Variants in MLLT3 observed in about 807,000 individuals in gnomAD.
MLLT3 encodes protein AF-9.
Under a neutral mutation model 53.2 loss-of-function variants are expected in MLLT3, and 4 were observed. The observed-to-expected ratio is 0.08, with a 90% CI of 0.04 to 0.17. The LOEUF (loss-of-function observed/expected upper bound fraction) is 0.17, where lower values mean the gene tolerates loss of function less well. Among genes scored for constraint, MLLT3 ranks in the 10% least tolerant of loss-of-function variants. MLLT3 has a pLI of 1.00. For missense variants in MLLT3, 569 were observed against 684.0 expected (o/e 0.83, Z 1.87); for synonymous variants, 283 against 230.6 (o/e 1.23, Z -2.06).
chr9:20,491,067 G>T (rs544910184), intron 2 of MLLT3, among the ~76,000 whole-genome samples: 16 of 152,042 alleles, frequency 1.1e-4, no homozygotes, highest in African/African-American at 3.4e-4. Flanking sequence ...TAAATCAGAG[G>T]GGTACTTTTT....
chr9:20,394,224 TG>T (rs1298698968), intron 5 of MLLT3, among the ~76,000 whole-genome samples: 1 of 152,108 alleles, frequency 6.6e-6, no homozygotes, highest in Non-Finnish European at 1.5e-5. Context: ...GGGGGAGCAT[TG>T]AGGGACAGGT....
At chr9:20,374,005 C>A (rs554643119) in intron 5 of MLLT3, among the ~76,000 whole-genome samples, 6 of 145,720 alleles carry the variant, frequency 4.1e-5, no homozygotes, top group East Asian at 2.0e-4. Flanking sequence ...AAAAAAAAAA[C>A]CACTTAAAAG....
intron 4 of MLLT3, among the ~76,000 whole-genome samples, chr9:20,430,895 G>C (rs1490518533): frequency 1.3e-5 from 2 of 151,950 alleles, no homozygotes; most frequent in Non-Finnish European, 2.9e-5. Context: ...TAAGTAAATA[G>C]AAAAATAAGT....
intron 5 of MLLT3, among the ~76,000 whole-genome samples, chr9:20,371,059 C>G (rs1821586245): frequency 1.3e-5 from 2 of 152,318 alleles, no homozygotes; most frequent in South Asian, 4.1e-4. Flanking sequence ...ACACCAGCCA[C>G]AACACTTCCT....
rs1285544898 is a variant in MLLT3, at chr9:20,621,774, A to G, written c.12+471T>C. ...ACACGCGCGCCGCGGAGAACGCACC[A>G]TCGTAGCGGCCGCGGCGCTTTGCGG... On this transcript the variant is annotated intron_variant, in intron 1 of 10. Transcript: ENST00000380338. This position sits in a 1 kb window ranked among gnomAD's most constrained non-coding sequence, Gnocchi z 7.0. 1.3e-6 allele frequency: 2 copies of G among 1,481,904 alleles called. No individual in the cohort carries two copies. Among genetic ancestry groups the G allele is most frequent in the Admixed American group, 2.4e-5 (1 of 42,124 alleles). The allele number at this position is 1,481,904 out of a possible 1,614,324, so 91.8% of individuals were successfully genotyped here.
intron 2 of MLLT3, among the ~76,000 whole-genome samples, chr9:20,506,108 G>A (rs1020869500): frequency 1.0e-4 from 15 of 150,112 alleles, no homozygotes; most frequent in African/African-American, 3.7e-4. Context: ...AGTCTCCAGT[G>A]CAGTGGCACG....
At chr9:20,598,547 A>G (rs1820334682) in intron 2 of MLLT3, among the ~76,000 whole-genome samples, 1 of 152,232 alleles carries the variant, frequency 6.6e-6, no homozygotes, top group Non-Finnish European at 1.5e-5. Flanking sequence ...AACAGTTGCC[A>G]TTAGTCATTC....
intron 2 of MLLT3, among the ~76,000 whole-genome samples, chr9:20,598,880 C>T (rs569305768): frequency 1.3e-4 from 20 of 152,274 alleles, no homozygotes; most frequent in Non-Finnish European, 1.9e-4. Flanking sequence ...TTTCCTCAAA[C>T]CCTATTCTGC....
chr9:20,452,447 GCCTTC>G (rs367583664), intron 3 of MLLT3, among the ~76,000 whole-genome samples: 7 of 152,198 alleles, frequency 4.6e-5, no homozygotes, highest in African/African-American at 1.7e-4. Context: ...GTTTCTTGAG[GCCTTC>G]CCAGCCATGC....
At chr9:20,386,032 C>A (rs1300668757) in intron 5 of MLLT3, among the ~76,000 whole-genome samples, 1 of 151,998 alleles carries the variant, frequency 6.6e-6, no homozygotes, top group Middle Eastern at 3.2e-3. Context: ...CCCTGTTGTC[C>A]CTTAGGTTGA....
At chr9:20,449,540 G>C (rs1586957384) in intron 3 of MLLT3, among the ~76,000 whole-genome samples, 1 of 152,098 alleles carries the variant, frequency 6.6e-6, no homozygotes, top group South Asian at 2.1e-4. Flanking sequence ...CTTTGGGGCA[G>C]GTGTGAGCCT....
chr9:20,547,083 G>C (rs1471985845), intron 2 of MLLT3, among the ~76,000 whole-genome samples: 1 of 152,136 alleles, frequency 6.6e-6, no homozygotes, highest in Non-Finnish European at 1.5e-5. Flanking sequence ...GTCAATAGGA[G>C]TTTGGCACAA....
At chr9:20,539,189 G>A (rs1244503498) in intron 2 of MLLT3, among the ~76,000 whole-genome samples, 1 of 152,218 alleles carries the variant, frequency 6.6e-6, no homozygotes, top group Non-Finnish European at 1.5e-5. Flanking sequence ...CCTGTGGCAT[G>A]TGATGCTGTT....
At chr9:20,619,306 C>A (rs191067770) in intron 2 of MLLT3, among the ~76,000 whole-genome samples, 1 of 152,112 alleles carries the variant, frequency 6.6e-6, no homozygotes, top group African/African-American at 2.4e-5. Context: ...CAAATTCAAC[C>A]GTTCAAGTTT....
chr9:20,565,931 T>C (rs760584484), intron 2 of MLLT3, among the ~76,000 whole-genome samples: 2 of 15,018 alleles, frequency 1.3e-4, no homozygotes, highest in South Asian at 1.9e-3. Flanking sequence ...TTTATATATA[T>C]ATATATTTAT....
chr9:20,396,293 C>G (rs951629114), intron 5 of MLLT3, among the ~76,000 whole-genome samples: 3 of 151,852 alleles, frequency 2.0e-5, no homozygotes, highest in African/African-American at 4.8e-5. Context: ...AGAGGGAAGA[C>G]AGAAGGAAAC....
At chr9:20,591,985 T>A (rs1002584056) in intron 2 of MLLT3, among the ~76,000 whole-genome samples, 2 of 152,058 alleles carry the variant, frequency 1.3e-5, no homozygotes, top group Non-Finnish European at 2.9e-5. Flanking sequence ...CACATTTTTT[T>A]AATAATAAAA....
At chr9:20,365,787 A>G in intron 5 of MLLT3, 43 bp from the exon 6 acceptor site, 1 of 1,596,078 alleles carries the variant, frequency 6.3e-7, no homozygotes. Context: ...AATTTACGGG[A>G]TACCACACAT....
intron 2 of MLLT3, among the ~76,000 whole-genome samples, chr9:20,579,239 C>T (rs4977431): frequency 0.42 from 64,068 of 151,742 alleles, 13,987 homozygotes; most frequent in Middle Eastern, 0.5. Flanking sequence ...ATTAGCTGGG[C>T]GTATGCTTGT....
Sources: gnomAD v4.1 joint callset for allele counts (sites outside exome capture counted in the v4.1 genomes callset) on GRCh38, gnomAD v4.1.1 for gene constraint, Gnocchi (gnomAD v3.1) non-coding constraint, MANE v1.5 for transcripts, NCBI Gene and HGNC (gene_info 2026-07-23, HGNC 2026-07-21) for gene names.